SAMSN1: variants seen among roughly 807,000 people sequenced by gnomAD.
SAMSN1 encodes the protein SAM domain, SH3 domain and nuclear localization signals 1, also known as SAM domain-containing protein SAMSN-1.
Under a neutral mutation model 42.0 loss-of-function variants are expected in SAMSN1, and 31 were observed. The observed-to-expected ratio is 0.74, with a 90% CI of 0.55 to 1.00. The LOEUF is 1.00. Ranked by LOEUF, SAMSN1 falls within the 50% of genes least tolerant of loss-of-function variation. SAMSN1 has a pLI of 0.00. For missense variants in SAMSN1, 464 were observed against 439.4 expected (o/e 1.06, Z -0.50); for synonymous variants, 178 against 151.9 (o/e 1.17, Z -1.26).
intron 2 of SAMSN1, among the ~76,000 whole-genome samples, chr21:14,624,912 C>G (rs997540924): frequency 6.6e-6 from 1 of 152,120 alleles, no homozygotes; most frequent in Non-Finnish European, 1.5e-5. Flanking sequence ...AGTAGCCCAT[C>G]AAAAAGCTTA....
At chr21:14,524,143 C>T (rs574542382) in intron 1 of SAMSN1, among the ~76,000 whole-genome samples, 13 of 152,252 alleles carry the variant, frequency 8.5e-5, no homozygotes, top group Middle Eastern at 6.8e-3. Context: ...CTAATGTCTA[C>T]TATGAGGTCT....
intron 7 of SAMSN1, among the ~76,000 whole-genome samples, chr21:14,498,129 C>A (rs1441403388): frequency 6.6e-6 from 1 of 152,190 alleles, no homozygotes; most frequent in Non-Finnish European, 1.5e-5. Context: ...TTACTAAATA[C>A]TTGTCTCTAA....
chr21:14,539,122 T>C (rs771174326), intron 1 of SAMSN1, among the ~76,000 whole-genome samples: 39 of 152,192 alleles, frequency 2.6e-4, no homozygotes, highest in Non-Finnish European at 4.9e-4. Flanking sequence ...GATTCTTTCA[T>C]AACATTGGGT....
chr21:14,510,600 G>C, intron 4 of SAMSN1, 139 bp from the exon 5 acceptor site: 1 of 947,918 alleles, frequency 1.1e-6, no homozygotes, highest in South Asian at 1.5e-5. Flanking sequence ...CCATCCTGGT[G>C]TCTGTCTTCC....
chr21:14,554,224 G>A (rs1306631328), intron 2 of SAMSN1, among the ~76,000 whole-genome samples: 1 of 152,050 alleles, frequency 6.6e-6, no homozygotes, highest in Non-Finnish European at 1.5e-5. Flanking sequence ...TATGAGGGTG[G>A]ACTTTAACCA....
intron 2 of SAMSN1, among the ~76,000 whole-genome samples, chr21:14,554,393 A>C (rs1980691349): frequency 6.6e-6 from 1 of 152,166 alleles, no homozygotes; most frequent in East Asian, 1.9e-4. Flanking sequence ...AGTGCCTGGT[A>C]CATAATAAAC....
At chr21:14,554,639 T>C (rs1453142606) in intron 2 of SAMSN1, among the ~76,000 whole-genome samples, 1 of 151,920 alleles carries the variant, frequency 6.6e-6, no homozygotes, top group African/African-American at 2.4e-5. Flanking sequence ...GGAATTTCTA[T>C]GTAAATGGGT....
intron 5 of SAMSN1, among the ~76,000 whole-genome samples, chr21:14,510,053 G>A (rs1276505993): frequency 6.6e-6 from 1 of 151,848 alleles, no homozygotes; most frequent in Non-Finnish European, 1.5e-5. Context: ...GCAGGAGAAT[G>A]GCGTGAACCC....
rs1987628639 is a variant in SAMSN1 at position 14,510,331 on chromosome 21, G to A, written c.540C>T (p.Asp180=). 1 of 1,614,120 alleles carries A rather than the reference G, an allele frequency of 6.2e-7. No individual in the cohort carries two copies. Among genetic ancestry groups the A allele is most frequent in the Non-Finnish European group, 8.5e-7 (1 of 1,180,002 alleles). ...VHTDFTPSPY[D]TDSLKIKKGD... ...TCACCTTGATTTTGAGGGAGTCAGT[G>A]TCATAGGGACTTGGCGTGAAATCCG... The change falls in exon 5 of 8, where the codon GAC becomes GAT. Residue 180 remains aspartate (D), a synonymous_variant. Transcript: ENST00000400566.
chr21:14,499,720 C>G (rs996954787), intron 6 of SAMSN1, among the ~76,000 whole-genome samples: 9 of 152,032 alleles, frequency 5.9e-5, no homozygotes, highest in Middle Eastern at 3.2e-3. Context: ...CGTACATTCT[C>G]ATAGGAATAT....
At chr21:14,591,944 C>T (rs554231765) in intron 7 of SAMSN1, 2 of 152,258 alleles carry the variant, frequency 1.3e-5, no homozygotes, top group African/African-American at 2.4e-5. Context: ...ATAATGAAGT[C>T]GCAATGTCAC....
chr21:14,512,900 G>A (rs1987750849), intron 3 of SAMSN1, among the ~76,000 whole-genome samples: 1 of 151,992 alleles, frequency 6.6e-6, no homozygotes, highest in South Asian at 2.1e-4. Context: ...ATCTTTTAAA[G>A]CACTTTTACT....
At chr21:14,565,840 C>T (rs1981101275) in intron 2 of SAMSN1, among the ~76,000 whole-genome samples, 2 of 152,108 alleles carry the variant, frequency 1.3e-5, no homozygotes, top group Admixed American at 1.3e-4. Context: ...TGCAAAAATG[C>T]TCTGAACATA....
At position 14,538,398 on chromosome 21, in the gene SAMSN1, A is replaced by C. The variant is rs745376085; in HGVS notation, c.57+7807T>G. On this transcript the variant is annotated intron_variant, in intron 1 of 7. Transcript: ENST00000400566. The stretch of plus-strand genomic sequence containing the variant: ...AATCCCAAATCTTTTAACTTGTGGA[A>C]AATTTTTGCATCTACAGGGCTTTTT... Among the ~76,000 whole-genome samples, 15 of 152,200 alleles carry C rather than the reference A, an allele frequency of 9.9e-5. No homozygotes were observed. In the South Asian group the frequency reaches 1.0e-3, roughly 10 times the overall value.
intron 1 of SAMSN1, among the ~76,000 whole-genome samples, chr21:14,545,159 C>T (rs1394566983): frequency 6.6e-6 from 1 of 152,066 alleles, no homozygotes; most frequent in African/African-American, 2.4e-5. Context: ...TTCTCAGTTT[C>T]CAAAGATAAG....
intron 7 of SAMSN1, among the ~76,000 whole-genome samples, chr21:14,492,811 AC>A (rs1021017387): frequency 2.6e-5 from 4 of 152,226 alleles, no homozygotes; most frequent in African/African-American, 7.2e-5. Flanking sequence ...ATGAGGGCAA[AC>A]AACTATGACT....
upstream of SAMSN1, among the ~76,000 whole-genome samples, chr21:14,550,392 C>T (rs1322405171): frequency 1.3e-5 from 2 of 152,002 alleles, no homozygotes; most frequent in African/African-American, 2.4e-5. Context: ...TCCTGGTGAC[C>T]TGCTCCAGGA....
At chr21:14,512,606 G>C (rs375642332) in intron 3 of SAMSN1, 33 bp from the exon 4 acceptor site, 2 of 1,609,706 alleles carry the variant, frequency 1.2e-6, no homozygotes, top group African/African-American at 2.7e-5. Context: ...TAGGTACAGA[G>C]AGAAGATTTC....
chr21:14,492,242 A>G (rs1986723399), intron 7 of SAMSN1, among the ~76,000 whole-genome samples: 2 of 152,216 alleles, frequency 1.3e-5, no homozygotes, highest in Admixed American at 6.5e-5. Context: ...CCCTCCAAAA[A>G]TGTACTTATT....
Sources: allele counts gnomAD v4.1 joint callset (sites outside exome capture counted in the v4.1 genomes callset), GRCh38; gene constraint gnomAD v4.1.1; transcripts MANE v1.5; gene names NCBI Gene and HGNC (gene_info 2026-07-23, HGNC 2026-07-21).